NCAM1: variants seen among roughly 807,000 people sequenced by gnomAD.
NCAM1 encodes the protein antigen recognized by monoclonal antibody 5.1H11.
A neutral mutation model predicts 109.8 loss-of-function variants in NCAM1; 14 were observed. The observed-to-expected ratio is 0.13, with a 90% CI of 0.08 to 0.20. NCAM1 has a LOEUF of 0.20. NCAM1 is among the 10% of genes least tolerant of loss of function. The pLI, the probability that NCAM1 is intolerant of heterozygous loss-of-function variation, is 1.00. For synonymous variants in NCAM1, 418 were observed against 442.9 expected, an observed-to-expected ratio of 0.94 and a Z score of 0.70; for missense variants, 774 against 1,109.9, an observed-to-expected ratio of 0.70 and a Z score of 4.30.
intron 1 of NCAM1, among the ~76,000 whole-genome samples, chr11:112,998,747 C>A (rs138396240): frequency 6.6e-6 from 1 of 152,088 alleles, no homozygotes; most frequent in Non-Finnish European, 1.5e-5. Flanking sequence ...CCATAAATTC[C>A]GAATGTCTTT....
intron 1 of NCAM1, among the ~76,000 whole-genome samples, chr11:113,005,967 T>C (rs782234592): frequency 1.2e-4 from 18 of 151,916 alleles, no homozygotes; most frequent in Non-Finnish European, 2.6e-4. Flanking sequence ...TCTAAACATA[T>C]GAACTTTTCT....
Position 113,204,488 on chromosome 11 carries a change from C to G in NCAM1, c.330C>G (p.Val110=), listed in dbSNP as rs1465163518. Residue 110 remains valine, a synonymous_variant, in exon 3 of 20, where the codon GTC becomes GTG. Coordinates refer to ENST00000316851, the MANE Select transcript of NCAM1 (RefSeq NM_181351.5). ...ATGGCAGTGAGTCAGAGGCCACCGT[C>G]AACGTGAAGATCTTTCGTAAGAGCC... ...GEDGSESEAT[V]NVKIFQKLMF... 7 of 1,613,990 alleles carry G rather than the reference C, an allele frequency of 4.3e-6. No individual in the cohort carries two copies. In the African/African-American group the frequency reaches 9.3e-5, roughly 22 times the overall value.
At position 113,074,355 on chromosome 11, in the gene NCAM1, G is replaced by A. The variant is rs368716226; in HGVS notation, c.52+112691G>A. ...CCTGGTGGCCCTGGCTGTGGCAGAAGGGTGCACCTGAGGAAATAATCATTT... is the reference window on the plus strand; with the variant it reads ...CCTGGTGGCCCTGGCTGTGGCAGAAAGGTGCACCTGAGGAAATAATCATTT... On this transcript the variant is annotated intron_variant, in intron 1 of 19. Transcript: ENST00000316851. Among the ~76,000 whole-genome samples, 14 of 152,292 alleles carry A rather than the reference G, an allele frequency of 9.2e-5. No individual in the cohort carries two copies. The East Asian group carries it at 2.1e-3, about 23-fold the overall frequency.
intron 17 of NCAM1, among the ~76,000 whole-genome samples, chr11:113,266,896 C>T (rs1946142796): frequency 1.3e-5 from 2 of 152,138 alleles, no homozygotes; most frequent in African/African-American, 4.8e-5. Context: ...ATGACAGGCT[C>T]TTGTGGTTGA....
At chr11:113,088,624 G>T (rs547589624) in intron 1 of NCAM1, among the ~76,000 whole-genome samples, 2 of 152,166 alleles carry the variant, frequency 1.3e-5, no homozygotes, top group Non-Finnish European at 2.9e-5. Context: ...TTATGGGCCT[G>T]TCTTCTGATG....
At chr11:112,969,405 T>G (rs1377935855) in intron 1 of NCAM1, among the ~76,000 whole-genome samples, 2 of 152,164 alleles carry the variant, frequency 1.3e-5, no homozygotes, top group Non-Finnish European at 2.9e-5. Context: ...ATAATTTGAA[T>G]ATATATAGCA....
At chr11:113,231,877 C>T (rs1426559940) in intron 10 of NCAM1, 82 bp downstream of exon 10, 12 of 1,537,660 alleles carry the variant, frequency 7.8e-6, no homozygotes, top group Non-Finnish European at 1.1e-5. Context: ...CAGCAAGGAC[C>T]TATGTGCACC....
chr11:113,123,529 A>G (rs1555096484), intron 1 of NCAM1, among the ~76,000 whole-genome samples: 1 of 152,070 alleles, frequency 6.6e-6, no homozygotes, highest in Non-Finnish European at 1.5e-5. Context: ...GGGCGGAGAT[A>G]GTGTCTCTCA....
intron 1 of NCAM1, among the ~76,000 whole-genome samples, chr11:113,030,306 C>T (rs1952676282): frequency 2.0e-5 from 3 of 152,106 alleles, no homozygotes; most frequent in African/African-American, 7.2e-5. Flanking sequence ...TGACTTAGTT[C>T]CTCTCTTCTC....
At chr11:113,135,006 G>A (rs1194749708) in intron 1 of NCAM1, among the ~76,000 whole-genome samples, 2 of 151,978 alleles carry the variant, frequency 1.3e-5, no homozygotes, top group Non-Finnish European at 2.9e-5. Context: ...ACAGGGCTAT[G>A]GGAACAAGAC....
intron 17 of NCAM1, chr11:113,264,920 C>T (rs976484889): frequency 6.4e-5 from 63 of 985,734 alleles, no homozygotes; most frequent in Middle Eastern, 5.2e-4. Flanking sequence ...GCCCCAGCCC[C>T]GCCAGGAGTC....
At chr11:113,166,769 C>CAA (rs1258614853) in intron 1 of NCAM1, among the ~76,000 whole-genome samples, 1 of 149,808 alleles carries the variant, frequency 6.7e-6, no homozygotes, top group African/African-American at 2.4e-5. Flanking sequence ...GACACACACA[C>CAA]ACAAAAAAAA....
intron 1 of NCAM1, among the ~76,000 whole-genome samples, chr11:113,157,136 G>GACAC (rs112454729): frequency 0.11 from 16,548 of 146,876 alleles, 1,027 homozygotes; most frequent in East Asian, 0.24. Flanking sequence ...GTTTCCCTGA[G>GACAC]ACACACACAC....
At chr11:112,992,757 T>G (rs1027916688) in intron 1 of NCAM1, among the ~76,000 whole-genome samples, 6 of 152,206 alleles carry the variant, frequency 3.9e-5, no homozygotes, top group Non-Finnish European at 7.3e-5. Flanking sequence ...TCCGCCAGCC[T>G]CGGCCTTCCT....
intron 1 of NCAM1, among the ~76,000 whole-genome samples, chr11:113,080,675 A>G (rs1938767454): frequency 6.6e-6 from 1 of 152,224 alleles, no homozygotes; most frequent in Non-Finnish European, 1.5e-5. Flanking sequence ...TTTTATAGTG[A>G]TAGGAAGAAA....
intron 1 of NCAM1, among the ~76,000 whole-genome samples, chr11:113,166,930 ACTT>A (rs1192389278): frequency 1.3e-5 from 2 of 152,202 alleles, no homozygotes; most frequent in East Asian, 3.8e-4. Flanking sequence ...TTCAAAACTA[ACTT>A]CTTATAGAAT....
intron 15 of NCAM1, 67 bp from the exon 16 acceptor site, chr11:113,255,810 C>G: frequency 6.3e-7 from 1 of 1,576,622 alleles, no homozygotes; most frequent in South Asian, 1.2e-5. Flanking sequence ...TCACTCCATC[C>G]CATTCAGATG....
intron 9 of NCAM1, among the ~76,000 whole-genome samples, chr11:113,226,749 T>C (rs1311517085): frequency 6.6e-6 from 1 of 152,198 alleles, no homozygotes. Context: ...CACAGTGCGA[T>C]CAAACTAGAA....
intron 8 of NCAM1, among the ~76,000 whole-genome samples, chr11:113,220,600 C>CCCTTTTTTTT (rs1944659944): frequency 9.8e-6 from 1 of 102,376 alleles, no homozygotes; most frequent in African/African-American, 5.8e-5. Context: ...CTCTCTCTCT[C>CCCTTTTTTTT]TCTTTTTTTT....
Sources: gnomAD v4.1 joint callset for allele counts (sites outside exome capture counted in the v4.1 genomes callset) on GRCh38, gnomAD v4.1.1 for gene constraint, MANE v1.5 for transcripts, NCBI Gene and HGNC (gene_info 2026-07-23, HGNC 2026-07-21) for gene names.